KLHL32: variants seen among roughly 807,000 people sequenced by gnomAD.
KLHL32 encodes kelch like family member 32, also known as kelch-like protein 32.
Under a neutral mutation model 64.8 loss-of-function variants are expected in KLHL32, and 35 were observed. The observed-to-expected ratio is 0.54, with a 90% CI of 0.41 to 0.72. The LOEUF (loss-of-function observed/expected upper bound fraction) is 0.72, where lower values mean the gene tolerates loss of function less well. Ranked by LOEUF, KLHL32 falls within the 30% of genes least tolerant of loss-of-function variation. The pLI, the probability that KLHL32 is intolerant of heterozygous loss-of-function variation, is 0.00. For synonymous variants in KLHL32, 259 were observed against 281.0 expected (o/e 0.92, Z 0.78); for missense variants, 589 against 768.5 (o/e 0.77, Z 2.76).
chr6:96,984,203 T>G (rs529020073), intron 3 of KLHL32, among the ~76,000 whole-genome samples: 1 of 152,378 alleles, frequency 6.6e-6, no homozygotes, highest in South Asian at 2.1e-4. Context: ...AGTCAGTTTC[T>G]TAATCCTGAG....
At chr6:96,909,396 T>C in the KLHL32 span, among the ~76,000 whole-genome samples, 1 of 152,224 alleles carries the variant, frequency 6.6e-6, no homozygotes, top group Non-Finnish European at 1.5e-5. Flanking sequence ...AGTTTTTAGA[T>C]TCAACAATCT....
the KLHL32 span, among the ~76,000 whole-genome samples, chr6:96,915,393 T>G: frequency 6.6e-6 from 1 of 152,082 alleles, no homozygotes; most frequent in African/African-American, 2.4e-5. Flanking sequence ...CACAACCTAA[T>G]GAAAGACACT....
intron 3 of KLHL32, among the ~76,000 whole-genome samples, chr6:97,016,133 C>T (rs776818372): frequency 4.6e-5 from 7 of 152,318 alleles, no homozygotes; most frequent in Middle Eastern, 3.4e-3. Context: ...AATGTGGGGT[C>T]GGAGCCCCCA....
At chr6:96,999,541 TA>T in intron 3 of KLHL32, 1 of 979,882 alleles carries the variant, frequency 1.0e-6, no homozygotes, top group Non-Finnish European at 1.2e-6. Flanking sequence ...CCTGACAGTA[TA>T]AAAAGGTAAA....
intron 3 of KLHL32, among the ~76,000 whole-genome samples, chr6:96,990,828 C>A (rs367755909): frequency 6.6e-6 from 1 of 152,240 alleles, no homozygotes. Flanking sequence ...CTGGCCTCTT[C>A]TCTTTAAGAT....
At chr6:97,020,567 C>T (rs1296949229) in intron 3 of KLHL32, among the ~76,000 whole-genome samples, 1 of 150,812 alleles carries the variant, frequency 6.6e-6, no homozygotes, top group Non-Finnish European at 1.5e-5. Flanking sequence ...ATTACATAAA[C>T]CTGTTCTAAA....
At chr6:96,999,032 T>A (rs1321058850) in intron 3 of KLHL32, among the ~76,000 whole-genome samples, 1 of 152,074 alleles carries the variant, frequency 6.6e-6, no homozygotes, top group African/African-American at 2.4e-5. Flanking sequence ...AGAAAAAAAA[T>A]TTAAGGAGGC....
chr6:97,116,864 A>G (rs1797851533), intron 7 of KLHL32, among the ~76,000 whole-genome samples: 1 of 152,182 alleles, frequency 6.6e-6, no homozygotes, highest in Non-Finnish European at 1.5e-5. Flanking sequence ...TGTGAAAGGA[A>G]ATACATTTTC....
chr6:97,002,180 A>G (rs1265591452), intron 3 of KLHL32, among the ~76,000 whole-genome samples: 1 of 152,136 alleles, frequency 6.6e-6, no homozygotes, highest in Non-Finnish European at 1.5e-5. Flanking sequence ...GATAAGAACA[A>G]TGTTCCTGCT....
intron 4 of KLHL32, among the ~76,000 whole-genome samples, chr6:97,056,849 G>A (rs573684408): frequency 3.9e-5 from 6 of 152,046 alleles, no homozygotes; most frequent in Non-Finnish European, 8.8e-5. Flanking sequence ...CACCAGGCTG[G>A]GCAACATAGC....
At chr6:97,101,958 A>G (rs1193099089) in intron 6 of KLHL32, among the ~76,000 whole-genome samples, 1 of 152,246 alleles carries the variant, frequency 6.6e-6, no homozygotes, top group Non-Finnish European at 1.5e-5. Context: ...TCTTGGAGGC[A>G]TATTGCCATC....
intron 1 of KLHL32, among the ~76,000 whole-genome samples, chr6:96,952,008 A>C (rs1245173364): frequency 6.6e-6 from 1 of 152,118 alleles, no homozygotes; most frequent in Non-Finnish European, 1.5e-5. Flanking sequence ...GGTTTTTTCC[A>C]GGTACTTTGG....
At chr6:97,060,236 G>C (rs1206117) in intron 4 of KLHL32, among the ~76,000 whole-genome samples, 1 of 150,554 alleles carries the variant, frequency 6.6e-6, no homozygotes, top group Admixed American at 6.6e-5. Context: ...ACAGGCAGGA[G>C]AAAAAAAAAG....
At chr6:97,045,805 A>G (rs921105966) in intron 4 of KLHL32, among the ~76,000 whole-genome samples, 1 of 152,250 alleles carries the variant, frequency 6.6e-6, no homozygotes, top group Non-Finnish European at 1.5e-5. Flanking sequence ...GATAGCAGAA[A>G]GGGAGCTGAC....
At chr6:96,967,115 G>T (rs56364902) in intron 2 of KLHL32, 32 bp downstream of exon 2, 11 of 1,606,190 alleles carry the variant, frequency 6.8e-6, no homozygotes, top group Non-Finnish European at 9.4e-6. Context: ...CTCACATGCC[G>T]TAGTGAGCCC....
intron 1 of KLHL32, among the ~76,000 whole-genome samples, chr6:96,939,798 C>T (rs1212292141): frequency 1.3e-5 from 2 of 151,974 alleles, no homozygotes; most frequent in African/African-American, 2.4e-5. Flanking sequence ...GTGGCAGGAA[C>T]TGGAAGGCTA....
At chr6:97,129,698 A>G (rs1412146858) in intron 8 of KLHL32, among the ~76,000 whole-genome samples, 2 of 152,140 alleles carry the variant, frequency 1.3e-5, no homozygotes, top group Non-Finnish European at 1.5e-5. Flanking sequence ...CCTGGCCAAC[A>G]TGGTGAAACC....
chr6:97,057,759 G>C (rs972354598), intron 4 of KLHL32, among the ~76,000 whole-genome samples: 1 of 152,110 alleles, frequency 6.6e-6, no homozygotes, highest in Non-Finnish European at 1.5e-5. Context: ...AGTCCAAGTT[G>C]TCAATTATGT....
At chr6:97,131,907 G>T (rs1247659846) in intron 9 of KLHL32, among the ~76,000 whole-genome samples, 1 of 152,124 alleles carries the variant, frequency 6.6e-6, no homozygotes, top group Non-Finnish European at 1.5e-5. Context: ...TCTGCCTGCT[G>T]TAAGATCCAG....
Sources: allele counts gnomAD v4.1 joint callset (sites outside exome capture counted in the v4.1 genomes callset), GRCh38; gene constraint gnomAD v4.1.1; transcripts MANE v1.5; gene names NCBI Gene and HGNC (gene_info 2026-07-23, HGNC 2026-07-21).